The following INTS9 variants were observed in gnomAD, a reference collection of about 807,000 sequenced individuals.
INTS9 encodes integrator complex subunit 9, also known as protein related to CPSF subunits of 74 kDa.
In INTS9, 55 loss-of-function variants were observed where a neutral mutation model predicts 79.7. The observed-to-expected ratio is 0.69, with a 90% CI of 0.56 to 0.86. INTS9 has a LOEUF of 0.86. INTS9 is among the 40% of genes least tolerant of loss of function. The pLI, the probability that INTS9 is intolerant of heterozygous loss-of-function variation, is 0.00. For synonymous variants in INTS9, 319 were observed against 325.2 expected, an observed-to-expected ratio of 0.98 and a Z score of 0.20; for missense variants, 721 against 831.5, an observed-to-expected ratio of 0.87 and a Z score of 1.64.
chr8:28,868,360 A>T (rs1808878340), intron 1 of INTS9, among the ~76,000 whole-genome samples: 1 of 152,184 alleles, frequency 6.6e-6, no homozygotes, highest in South Asian at 2.1e-4. Flanking sequence ...GCCTTTAATT[A>T]TCTGTACTGT....
At chr8:28,838,296 G>GC (rs1563287535) in intron 4 of INTS9, among the ~76,000 whole-genome samples, 1 of 151,730 alleles carries the variant, frequency 6.6e-6, no homozygotes, top group South Asian at 2.1e-4. Flanking sequence ...TGGTTATAGA[G>GC]CCCGCCCTAA....
chr8:28,820,502 A>C (rs1183078120), intron 6 of INTS9, among the ~76,000 whole-genome samples: 3 of 152,212 alleles, frequency 2.0e-5, no homozygotes, highest in African/African-American at 7.2e-5. Flanking sequence ...CTGAGAGATC[A>C]GCTGTTAGTC....
intron 1 of INTS9, among the ~76,000 whole-genome samples, chr8:28,880,002 G>A (rs1809613118): frequency 6.6e-6 from 1 of 151,894 alleles, no homozygotes; most frequent in Admixed American, 6.6e-5. Context: ...ATTGAATTTT[G>A]TTTTATATGC....
intron 2 of INTS9, 114 bp downstream of exon 2, chr8:28,859,322 A>G (rs1808330190): frequency 9.3e-6 from 11 of 1,180,652 alleles, no homozygotes; most frequent in Non-Finnish European, 1.3e-5. Flanking sequence ...AACATTTTTA[A>G]GGAAACAAAG....
At chr8:28,794,095 A>G (rs1804064694) in intron 9 of INTS9, 108 bp from the exon 10 acceptor site, 1 of 890,824 alleles carries the variant, frequency 1.1e-6, no homozygotes, top group Non-Finnish European at 1.6e-6. Context: ...TTCTGTTTTT[A>G]TGATTTACTT....
At chr8:28,780,792 AC>A (rs1803210430) in intron 12 of INTS9, 30 bp downstream of exon 12, 1 of 1,610,584 alleles carries the variant, frequency 6.2e-7, no homozygotes, top group Non-Finnish European at 8.5e-7. Context: ...AGTGGAGAGA[AC>A]CAATTTGTTT....
At chr8:28,818,823 T>A (rs1435167120) in intron 6 of INTS9, among the ~76,000 whole-genome samples, 1 of 151,856 alleles carries the variant, frequency 6.6e-6, no homozygotes, top group Non-Finnish European at 1.5e-5. Context: ...ATTGCCACAA[T>A]TTCAGAGCCT....
rs1803700808 is a variant in INTS9 at position 28,787,826 on chromosome 8, TA to T, written c.1098+2del. On this transcript the variant is annotated splice_donor_variant, in intron 11 of 16. Coordinates refer to ENST00000521022, the MANE Select transcript of INTS9 (RefSeq NM_018250.4). LOFTEE classifies it high-confidence loss of function. ...CCATGTCCCAGTGATTTTGTTTTCT[TA>T]CCTCTGCATGAGGAAAAGGTGGTTC... 1 of 1,604,290 alleles carries T rather than the reference TA, an allele frequency of 6.2e-7. No individual in the cohort carries two copies. Among genetic ancestry groups the T allele is most frequent in the African/African-American group, 1.3e-5 (1 of 74,770 alleles).
intron 2 of INTS9, among the ~76,000 whole-genome samples, chr8:28,853,388 G>A (rs917623931): frequency 1.3e-5 from 2 of 148,634 alleles, no homozygotes; most frequent in African/African-American, 2.6e-5. Flanking sequence ...ACTCCAGCCT[G>A]GGCAAAAAGA....
intron 8 of INTS9, among the ~76,000 whole-genome samples, chr8:28,804,849 T>C (rs1804719308): frequency 6.6e-6 from 1 of 152,066 alleles, no homozygotes; most frequent in Admixed American, 6.5e-5. Context: ...AACAAAAGTA[T>C]AGTTGTGGAA....
At chr8:28,814,791 C>T (rs997432607) in intron 6 of INTS9, among the ~76,000 whole-genome samples, 7 of 152,138 alleles carry the variant, frequency 4.6e-5, no homozygotes, top group African/African-American at 1.7e-4. Flanking sequence ...GCTTATTCCC[C>T]TCAGGGTAGG....
intron 13 of INTS9, among the ~76,000 whole-genome samples, chr8:28,776,432 TTTTTTTTG>T (rs931453823): frequency 3.4e-4 from 29 of 86,284 alleles, no homozygotes; most frequent in East Asian, 1.8e-3. Context: ...GCAGAGTTTT[TTTTTTTTG>T]TTTTTTTTTT....
chr8:28,787,764 T>C, intron 11 of INTS9, 65 bp downstream of exon 11: 3 of 1,142,538 alleles, frequency 2.6e-6, no homozygotes, highest in Non-Finnish European at 4.0e-6. Flanking sequence ...CGACCTGCTG[T>C]CTGCATCTGC....
chr8:28,780,661 A>G (rs908488097), intron 12 of INTS9, 162 bp downstream of exon 12: 57 of 985,212 alleles, frequency 5.8e-5, no homozygotes, highest in Non-Finnish European at 6.3e-5. Context: ...ACACTGCTTC[A>G]CTCTTTCTCT....
chr8:28,837,621 G>C lies in INTS9; in HGVS notation c.401+16C>G, dbSNP rs781463581. On this transcript the variant is annotated intron_variant, in intron 5 of 16. Coordinates refer to ENST00000521022, the MANE Select transcript of INTS9 (RefSeq NM_018250.4). The stretch of plus-strand genomic sequence containing the variant: ...CCGCAGTCACATCCTAGCAGGGTCA[G>C]AATCAACCCTCTCACCTGCCGATCT... 6.2e-7 allele frequency: 1 copy of C among 1,611,094 alleles called. No homozygotes were observed.
Position 28,878,628 on chromosome 8 carries a change from GT to G in INTS9, c.9+11245del, listed in dbSNP as rs796246272. Reference sequence around the variant, plus strand: ...TCAGCCACTGTGCCTGGCCTTCACTGTTTTTTTTTTTTTAAAAAAAAAACAA... The same window carrying G: ...TCAGCCACTGTGCCTGGCCTTCACTGTTTTTTTTTTTTAAAAAAAAAACAA... On this transcript the variant is annotated intron_variant, in intron 1 of 16. Transcript: ENST00000521022. 1.4e-3 allele frequency among the ~76,000 whole-genome samples: 188 copies of G among 132,238 alleles called. 1 individual carries two copies. Among genetic ancestry groups the G allele is most frequent in the Admixed American group, 2.9e-3 (39 of 13,250 alleles). 86.8% of individuals were successfully genotyped at this position (132,238 alleles called of 152,430 possible).
At chr8:28,881,930 G>C (rs1300678983) in intron 1 of INTS9, among the ~76,000 whole-genome samples, 1 of 146,528 alleles carries the variant, frequency 6.8e-6, no homozygotes, top group Non-Finnish European at 1.5e-5. Context: ...CCCTCTGCCC[G>C]GCCACGACCC....
intron 3 of INTS9, chr8:28,850,002 A>G (rs948444293): frequency 4.8e-6 from 2 of 416,006 alleles, no homozygotes; most frequent in African/African-American, 4.1e-5. Flanking sequence ...CATGAGCAAA[A>G]TGGATCTGAA....
chr8:28,868,062 C>A (rs1468292050), intron 1 of INTS9, among the ~76,000 whole-genome samples: 1 of 152,138 alleles, frequency 6.6e-6, no homozygotes, highest in African/African-American at 2.4e-5. Flanking sequence ...CCGTGTTACA[C>A]AGTATGAAAG....
Sources: allele counts gnomAD v4.1 joint callset (sites outside exome capture counted in the v4.1 genomes callset), GRCh38; gene constraint gnomAD v4.1.1; transcripts MANE v1.5; gene names NCBI Gene and HGNC (gene_info 2026-07-23, HGNC 2026-07-21).